Variants in KCNT2 observed in about 807,000 individuals in gnomAD.
The protein encoded by KCNT2 is potassium sodium-activated channel subfamily T member 2, also known as potassium channel subfamily T member 2.
A neutral mutation model predicts 153.8 loss-of-function variants in KCNT2; 67 were observed. That is an observed-to-expected ratio of 0.44 (90% confidence interval 0.36 to 0.53). The LOEUF is 0.53. Ranked by LOEUF, KCNT2 falls within the 20% of genes least tolerant of loss-of-function variation. KCNT2 has a pLI of 0.00. For missense variants in KCNT2, 975 were observed against 1,354.8 expected (o/e 0.72, Z 4.40); for synonymous variants, 500 against 458.8 (o/e 1.09, Z -1.15).
chr1:196,251,157 T>C (rs1173837807), intron 26 of KCNT2, among the ~76,000 whole-genome samples: 1 of 152,068 alleles, frequency 6.6e-6, no homozygotes, highest in Admixed American at 6.6e-5. Flanking sequence ...TGCACTCCCA[T>C]GTTTATTGCA....
rs191042628 is a variant in KCNT2, at chr1:196,548,759, T to C, written c.96-56418A>G. ...TGCAAACACTTGGAACCAACCCAAATGTCCAACAATGATAGACTGGATTAA... is the reference window on the plus strand; with the variant it reads ...TGCAAACACTTGGAACCAACCCAAACGTCCAACAATGATAGACTGGATTAA... On this transcript the variant is annotated intron_variant, in intron 1 of 27. Transcript: ENST00000294725. 2.0e-4 allele frequency among the ~76,000 whole-genome samples: 30 copies of C among 152,196 alleles called. No individual in the cohort carries two copies. In the East Asian group the frequency reaches 5.6e-3, roughly 29 times the overall value.
chr1:196,397,575 T>C (rs948228003), intron 13 of KCNT2, among the ~76,000 whole-genome samples: 2 of 151,490 alleles, frequency 1.3e-5, no homozygotes, highest in East Asian at 1.9e-4. Context: ...CAACCAGAGT[T>C]GGAAGCTATT....
intron 18 of KCNT2, among the ~76,000 whole-genome samples, chr1:196,327,284 G>T: frequency 6.6e-6 from 1 of 151,410 alleles, no homozygotes; most frequent in Non-Finnish European, 1.5e-5. Flanking sequence ...AGTACTGAAT[G>T]CTTAAAGCGA....
intron 8 of KCNT2, among the ~76,000 whole-genome samples, chr1:196,455,811 CA>C (rs1289079016): frequency 6.6e-6 from 1 of 151,998 alleles, no homozygotes; most frequent in East Asian, 1.9e-4. Context: ...GCCAGCAGTA[CA>C]CTGGCTGTGA....
rs75151815 is a variant in KCNT2 at position 196,402,155 on chromosome 1, T to C, written c.1186-3484A>G. 5.9e-5 allele frequency among the ~76,000 whole-genome samples: 9 copies of C among 151,654 alleles called. No homozygotes were observed. The East Asian group carries it at 1.2e-3, about 20-fold the overall frequency. On this transcript the variant is annotated intron_variant, in intron 12 of 27. Coordinates refer to ENST00000294725, the MANE Select transcript of KCNT2 (RefSeq NM_198503.5). ...TCTAAAATAAGGAAATGTACTCCCA[T>C]TGGAATCATACTACAAGAAAAGTTT...
chr1:196,459,971 C>T (rs75395818), intron 8 of KCNT2, among the ~76,000 whole-genome samples: 8,757 of 151,764 alleles, frequency 0.058, 390 homozygotes, highest in Non-Finnish European at 0.085. Flanking sequence ...TCTCAAAAGC[C>T]AGTGCCATAG....
intron 1 of KCNT2, among the ~76,000 whole-genome samples, chr1:196,502,446 C>T (rs75646723): frequency 1.7e-4 from 26 of 152,136 alleles, no homozygotes; most frequent in African/African-American, 6.3e-4. Flanking sequence ...CATAGAGACA[C>T]GTATATGCAC....
intron 14 of KCNT2, among the ~76,000 whole-genome samples, chr1:196,343,929 G>A (rs1475068524): frequency 6.6e-6 from 1 of 152,048 alleles, no homozygotes; most frequent in East Asian, 1.9e-4. Flanking sequence ...ACAGGCACCT[G>A]CCACCATGCC....
chr1:196,342,359 A>T, intron 14 of KCNT2, 131 bp from the exon 15 acceptor site: 1 of 596,852 alleles, frequency 1.7e-6, no homozygotes, highest in Non-Finnish European at 2.6e-6. Context: ...GGAGCATCTG[A>T]GTAATGCTTT....
intron 27 of KCNT2, among the ~76,000 whole-genome samples, chr1:196,229,438 C>A (rs1653759422): frequency 6.6e-6 from 1 of 152,072 alleles, no homozygotes; most frequent in African/African-American, 2.4e-5. Flanking sequence ...TCCCTCGACT[C>A]TTTTCCCTCT....
intron 14 of KCNT2, among the ~76,000 whole-genome samples, chr1:196,354,879 T>G (rs543783508): frequency 3.9e-5 from 6 of 151,952 alleles, no homozygotes; most frequent in African/African-American, 1.4e-4. Context: ...TATTTCACAA[T>G]TATTGCAAAC....
chr1:196,249,803 A>G (rs1374132666), intron 26 of KCNT2, among the ~76,000 whole-genome samples: 1 of 151,984 alleles, frequency 6.6e-6, no homozygotes, highest in Non-Finnish European at 1.5e-5. Flanking sequence ...GTATTTTTAT[A>G]TGCCAACAGT....
At chr1:196,263,480 CTG>C (rs1571839613) in intron 25 of KCNT2, among the ~76,000 whole-genome samples, 1 of 151,954 alleles carries the variant, frequency 6.6e-6, no homozygotes, top group East Asian at 1.9e-4. Flanking sequence ...ACACTGCGCC[CTG>C]TCATAGGGTG....
At chr1:196,581,478 A>G (rs1289057485) in intron 1 of KCNT2, among the ~76,000 whole-genome samples, 1 of 152,072 alleles carries the variant, frequency 6.6e-6, no homozygotes, top group Non-Finnish European at 1.5e-5. Context: ...CTGAAAATGA[A>G]TGCCACCGGG....
intron 19 of KCNT2, among the ~76,000 whole-genome samples, chr1:196,322,367 A>G (rs1324990580): frequency 6.6e-6 from 1 of 151,908 alleles, no homozygotes; most frequent in Non-Finnish European, 1.5e-5. Context: ...ATGACAAAAA[A>G]TAGATCCAGG....
chr1:196,582,374 A>C (rs1177888652), intron 1 of KCNT2: 4 of 154,186 alleles, frequency 2.6e-5, no homozygotes, highest in Non-Finnish European at 1.5e-5. Context: ...AAGGAGCTAA[A>C]GATCCATGAA....
intron 12 of KCNT2, among the ~76,000 whole-genome samples, chr1:196,413,404 C>G (rs1212937353): frequency 6.6e-6 from 1 of 151,478 alleles, no homozygotes; most frequent in Non-Finnish European, 1.5e-5. Flanking sequence ...TGTTTGGATC[C>G]TTTTTTTCCA....
chr1:196,407,204 T>C (rs771841147), intron 12 of KCNT2, among the ~76,000 whole-genome samples: 2 of 151,404 alleles, frequency 1.3e-5, no homozygotes, highest in Non-Finnish European at 3.0e-5. Flanking sequence ...ATCTAGTTAC[T>C]CAATTTAACA....
Position 196,449,454 on chromosome 1 carries a change from C to G in KCNT2, c.638+15839G>C, listed in dbSNP as rs1256856067. 2.0e-5 allele frequency among the ~76,000 whole-genome samples: 3 copies of G among 151,546 alleles called. No individual in the cohort carries two copies. In the East Asian group the frequency reaches 5.8e-4, roughly 30 times the overall value. On this transcript the variant is annotated intron_variant, in intron 8 of 27. Transcript: ENST00000294725. ...GGATTATTAGGGAAAATCAGAAATACTCTATATAATATTTGCAAAGCAAGA... is the reference window on the plus strand; with the variant it reads ...GGATTATTAGGGAAAATCAGAAATAGTCTATATAATATTTGCAAAGCAAGA...
Sources: gnomAD v4.1 joint callset for allele counts (sites outside exome capture counted in the v4.1 genomes callset) on GRCh38, gnomAD v4.1.1 for gene constraint, MANE v1.5 for transcripts, NCBI Gene and HGNC (gene_info 2026-07-23, HGNC 2026-07-21) for gene names.